The following PTPRD variants were observed in gnomAD, a reference collection of about 807,000 sequenced individuals.
The protein encoded by PTPRD is protein tyrosine phosphatase receptor type D.
Under a neutral mutation model 214.5 loss-of-function variants are expected in PTPRD, and 34 were observed. The ratio of observed to expected loss-of-function variants is 0.16; its 90% CI spans 0.12 to 0.21. The LOEUF is 0.21. Among genes scored for constraint, PTPRD ranks in the 10% least tolerant of loss-of-function variants. The pLI, the probability that PTPRD is intolerant of heterozygous loss-of-function variation, is 1.00. For synonymous variants in PTPRD, 1,128 were observed against 845.7 expected, an observed-to-expected ratio of 1.33 and a Z score of -5.79; for missense variants, 2,545 against 2,398.7, an observed-to-expected ratio of 1.06 and a Z score of -1.27.
chr9:8,594,053 T>C (rs934173055), intron 14 of PTPRD, among the ~76,000 whole-genome samples: 5 of 152,182 alleles, frequency 3.3e-5, no homozygotes, highest in Non-Finnish European at 7.3e-5. Flanking sequence ...TTCCTAATAG[T>C]AGAAAAGGCA....
intron 2 of PTPRD, among the ~76,000 whole-genome samples, chr9:10,535,795 T>C (rs924225753): frequency 2.0e-5 from 3 of 152,130 alleles, no homozygotes; most frequent in Non-Finnish European, 2.9e-5. Flanking sequence ...TAGCCTTGTG[T>C]CAGCAACTCT....
chr9:8,974,559 T>A (rs2099257339), intron 11 of PTPRD, among the ~76,000 whole-genome samples: 1 of 151,984 alleles, frequency 6.6e-6, no homozygotes, highest in South Asian at 2.1e-4. Context: ...CAAGGAGCTA[T>A]TTTCAGGATG....
At chr9:10,602,076 T>G (rs1396756781) in intron 2 of PTPRD, among the ~76,000 whole-genome samples, 1 of 151,790 alleles carries the variant, frequency 6.6e-6, no homozygotes, top group East Asian at 1.9e-4. Context: ...TTTATATATT[T>G]TAACTTCCGA....
At chr9:8,371,178 G>C (rs2081395416) in intron 39 of PTPRD, among the ~76,000 whole-genome samples, 1 of 151,826 alleles carries the variant, frequency 6.6e-6, no homozygotes, top group South Asian at 2.1e-4. Flanking sequence ...GTAAGGCAAA[G>C]GCAATTTAAA....
rs755813376 is a variant in PTPRD, at chr9:8,319,963, C to A, written c.5538G>T (p.Ala1846=). ...QDGPISVHCS[A]GVGRTGVFIT... ...TGAAGACTCCAGTTCTTCCAACGCC[C>A]GCGCTGCCACAATAACAAAGGCGAT... Residue 1846 remains alanine, a synonymous_variant, in exon 45 of 46, where the codon GCG becomes GCT. Transcript: ENST00000381196. The A allele has an allele frequency of 4.3e-6, 7 of 1,610,902 alleles. No individual in the cohort carries two copies. In the African/African-American group the frequency reaches 5.4e-5, roughly 12 times the overall value.
At chr9:8,453,973 A>T (rs1181515743) in intron 33 of PTPRD, among the ~76,000 whole-genome samples, 2 of 152,226 alleles carry the variant, frequency 1.3e-5, no homozygotes, top group African/African-American at 4.8e-5. Flanking sequence ...ATTTATACAT[A>T]AGTGTATATG....
intron 7 of PTPRD, among the ~76,000 whole-genome samples, chr9:9,709,153 A>G (rs1337341868): frequency 6.6e-6 from 1 of 152,028 alleles, no homozygotes; most frequent in Non-Finnish European, 1.5e-5. Flanking sequence ...CAAATACCAA[A>G]ACAAACTGAA....
intron 9 of PTPRD, among the ~76,000 whole-genome samples, chr9:9,304,871 T>G (rs1254525237): frequency 1.3e-5 from 2 of 150,458 alleles, no homozygotes; most frequent in Non-Finnish European, 3.0e-5. Flanking sequence ...AAGGCCCTTC[T>G]CAATAATCTC....
chr9:8,540,662 ATTT>A lies in PTPRD; in HGVS notation c.353-11886_353-11884del, dbSNP rs548387039. On this transcript the variant is annotated intron_variant, in intron 14 of 45. Coordinates refer to ENST00000381196, the MANE Select transcript of PTPRD (RefSeq NM_002839.4). The stretch of plus-strand genomic sequence containing the variant: ...GAATAGCTTCAGAAATCCAAATGTT[ATTT>A]TTTTAAGCCAAACTTTCAAAAATTT... 3.2e-4 allele frequency among the ~76,000 whole-genome samples: 49 copies of A among 152,224 alleles called. No homozygotes were observed. In the South Asian group the frequency reaches 9.7e-3, roughly 30 times the overall value.
intron 39 of PTPRD, among the ~76,000 whole-genome samples, chr9:8,372,549 C>G (rs886841132): frequency 2.4e-4 from 37 of 152,022 alleles, no homozygotes; most frequent in Admixed American, 3.3e-4. Flanking sequence ...CTTAGGCAGT[C>G]TATCTCTCCA....
chr9:9,278,853 C>A (rs946571460), intron 9 of PTPRD, among the ~76,000 whole-genome samples: 9 of 151,274 alleles, frequency 5.9e-5, no homozygotes, highest in African/African-American at 2.2e-4. Flanking sequence ...CACTATTCAT[C>A]TACACATACA....
At chr9:8,487,020 T>C (rs560870022) in intron 27 of PTPRD, among the ~76,000 whole-genome samples, 9 of 152,138 alleles carry the variant, frequency 5.9e-5, no homozygotes, top group South Asian at 2.1e-4. Context: ...TACAAAATAA[T>C]ATCGTATTGA....
At chr9:8,511,089 G>C (rs2097670567) in intron 21 of PTPRD, among the ~76,000 whole-genome samples, 1 of 151,822 alleles carries the variant, frequency 6.6e-6, no homozygotes, top group Non-Finnish European at 1.5e-5. Flanking sequence ...TTAGTTTTGA[G>C]ACAAGGTCTT....
intron 2 of PTPRD, among the ~76,000 whole-genome samples, chr9:10,550,518 T>A (rs2061086855): frequency 6.6e-6 from 1 of 152,144 alleles, no homozygotes; most frequent in South Asian, 2.1e-4. Context: ...TCAATCTTTT[T>A]GGAGACCCTC....
At chr9:9,278,954 A>T (rs1946660551) in intron 9 of PTPRD, among the ~76,000 whole-genome samples, 1 of 151,248 alleles carries the variant, frequency 6.6e-6, no homozygotes, top group African/African-American at 2.4e-5. Flanking sequence ...TTCTCTGCTC[A>T]TTGTTTTTGT....
At chr9:10,568,790 T>C (rs541740323) in intron 2 of PTPRD, among the ~76,000 whole-genome samples, 6 of 152,248 alleles carry the variant, frequency 3.9e-5, no homozygotes, top group Non-Finnish European at 8.8e-5. Context: ...ATTAAAGACT[T>C]AAACGTTAGA....
chr9:9,800,079 G>A (rs751353902), intron 5 of PTPRD, among the ~76,000 whole-genome samples: 7 of 152,156 alleles, frequency 4.6e-5, no homozygotes, highest in African/African-American at 7.2e-5. Flanking sequence ...AGAGATTTCT[G>A]TCAAAATAAG....
chr9:8,368,848 T>C (rs1186130843), intron 39 of PTPRD, among the ~76,000 whole-genome samples: 1 of 152,112 alleles, frequency 6.6e-6, no homozygotes, highest in Middle Eastern at 3.2e-3. Context: ...TATTGGTGTA[T>C]GAAAACAGAA....
chr9:8,516,492 A>C lies in PTPRD; in HGVS notation c.1543+1356T>G, dbSNP rs79042742. 1.5e-4 allele frequency among the ~76,000 whole-genome samples: 23 copies of C among 152,340 alleles called. No individual in the cohort carries two copies. The East Asian group carries it at 4.0e-3, about 27-fold the overall frequency. ...CTCTGAGATTCCTAGAAGCAAGGAC[A>C]AATAGTTAAACATACTTCATATAAA... is the stretch of plus-strand genomic sequence containing the variant. On this transcript the variant is annotated intron_variant, in intron 21 of 45. Transcript: ENST00000381196.
Sources: gnomAD v4.1 joint callset for allele counts (sites outside exome capture counted in the v4.1 genomes callset) on GRCh38, gnomAD v4.1.1 for gene constraint, MANE v1.5 for transcripts, NCBI Gene and HGNC (gene_info 2026-07-23, HGNC 2026-07-21) for gene names.